ARHGAP35: variants seen among roughly 807,000 people sequenced by gnomAD.
ARHGAP35 encodes the protein rho GTPase-activating protein 35.
ARHGAP35 carries 15 observed loss-of-function variants against 111.1 expected under a neutral mutation model. That is an observed-to-expected ratio of 0.13 (90% CI 0.09 to 0.21). The LOEUF (loss-of-function observed/expected upper bound fraction) is 0.21. Ranked by LOEUF, ARHGAP35 falls within the 10% of genes least tolerant of loss-of-function variation. The pLI, the probability that ARHGAP35 is intolerant of heterozygous loss-of-function variation, is 1.00. For missense variants in ARHGAP35, 1,262 were observed against 1,873.0 expected, an observed-to-expected ratio of 0.67 and a Z score of 6.02; for synonymous variants, 643 against 710.3, an observed-to-expected ratio of 0.91 and a Z score of 1.51.
intron 5 of ARHGAP35, chr19:46,997,494 CA>C (rs1443874904): frequency 2.0e-5 from 3 of 152,160 alleles, no homozygotes; most frequent in African/African-American, 7.2e-5. Context: ...ATTTAATTGC[CA>C]GGTGTCACCG....
chr19:46,962,207 A>T (rs1270032075), intron 3 of ARHGAP35, among the ~76,000 whole-genome samples: 1 of 152,272 alleles, frequency 6.6e-6, no homozygotes, highest in African/African-American at 2.4e-5. Flanking sequence ...TTTGTTTTTT[A>T]AAAAAGCCTC....
chr19:46,975,997 G>A (rs1440039286), intron 3 of ARHGAP35, among the ~76,000 whole-genome samples: 1 of 152,176 alleles, frequency 6.6e-6, no homozygotes, highest in Non-Finnish European at 1.5e-5. Flanking sequence ...TACGGTTATA[G>A]CTTGAATACA....
In ARHGAP35 at chr19:47,001,716, T is replaced by A. The variant is rs1248729875; in HGVS notation, c.*1028T>A. ...AGTCCATTACGATAGAAACACTAAT[T>A]GAGCATGTGCGTGGGGTGGGGGTGT... On this transcript the variant is annotated 3_prime_UTR_variant, in exon 7 of 7. Transcript: ENST00000672722. This position sits in a 1 kb window ranked among gnomAD's most constrained non-coding sequence, Gnocchi z 5.4. The A allele has an allele frequency of 1.9e-5, 6 of 322,928 alleles. No homozygotes were observed. The highest frequency in any genetic ancestry group is 3.0e-5 in the Non-Finnish European group (5 of 164,718). The allele number at this position is 322,928 out of a possible 1,614,324, so 20.0% of individuals were successfully genotyped here. A position where few individuals can be genotyped will look rare whatever the true frequency, so the allele number is the denominator to read the frequency against.
chr19:46,959,612 C>G (rs989290145), intron 3 of ARHGAP35, among the ~76,000 whole-genome samples: 1 of 151,656 alleles, frequency 6.6e-6, no homozygotes, highest in African/African-American at 2.4e-5. Flanking sequence ...GTTGGCCAGG[C>G]TGGTCTCAAA....
chr19:46,951,440 T>A (rs1320476634), intron 3 of ARHGAP35, among the ~76,000 whole-genome samples: 1 of 147,604 alleles, frequency 6.8e-6, no homozygotes, highest in Non-Finnish European at 1.5e-5. Context: ...GCCATGTGTG[T>A]TTTGATGGCC....
chr19:46,959,119 C>A (rs1326456366), intron 3 of ARHGAP35, among the ~76,000 whole-genome samples: 2 of 152,146 alleles, frequency 1.3e-5, no homozygotes, highest in African/African-American at 4.8e-5. Context: ...TACTTCACTG[C>A]CCAGACTAGA....
At chr19:46,924,658 C>G (rs1286907734) in intron 2 of ARHGAP35, among the ~76,000 whole-genome samples, 2 of 152,282 alleles carry the variant, frequency 1.3e-5, no homozygotes, top group Non-Finnish European at 2.9e-5. Flanking sequence ...CGGTATTTTC[C>G]CAGAGCTCAC....
At chr19:46,979,088 G>A (rs900737207) in intron 3 of ARHGAP35, among the ~76,000 whole-genome samples, 2 of 150,944 alleles carry the variant, frequency 1.3e-5, no homozygotes, top group South Asian at 2.1e-4. Context: ...GTGGTGGGAT[G>A]TGTGTGTGTT....
chr19:46,979,508 A>G (rs2056608887), intron 3 of ARHGAP35, among the ~76,000 whole-genome samples: 1 of 152,140 alleles, frequency 6.6e-6, no homozygotes, highest in African/African-American at 2.4e-5. Flanking sequence ...AAAGTCAGGG[A>G]AAAGAATGGA....
intron 1 of ARHGAP35, among the ~76,000 whole-genome samples, chr19:46,904,957 A>G (rs1444222123): frequency 6.6e-6 from 1 of 152,006 alleles, no homozygotes; most frequent in Non-Finnish European, 1.5e-5. Flanking sequence ...GAGGGACGAG[A>G]GCTGGGGGTG....
At chr19:46,928,761 G>A (rs1330661931) in intron 2 of ARHGAP35, among the ~76,000 whole-genome samples, 4 of 152,002 alleles carry the variant, frequency 2.6e-5, no homozygotes, top group East Asian at 3.9e-4. Context: ...GCGAAACCCC[G>A]TCTCTACAAA....
intron 1 of ARHGAP35, among the ~76,000 whole-genome samples, chr19:46,878,259 G>T (rs2055937487): frequency 6.6e-6 from 1 of 152,142 alleles, no homozygotes; most frequent in Non-Finnish European, 1.5e-5. Flanking sequence ...CTGACCTCAA[G>T]TGATCCACCC....
chr19:46,928,527 G>A (rs1012755658), intron 2 of ARHGAP35, among the ~76,000 whole-genome samples: 22 of 151,972 alleles, frequency 1.4e-4, no homozygotes, highest in African/African-American at 5.1e-4. Context: ...AAATGTACCT[G>A]GAACTAGTGG....
intron 3 of ARHGAP35, among the ~76,000 whole-genome samples, chr19:46,958,964 C>G (rs912081013): frequency 9.9e-5 from 15 of 152,072 alleles, no homozygotes; most frequent in Non-Finnish European, 1.8e-4. Flanking sequence ...CTCCTGGTTG[C>G]TTTTGTGTGA....
chr19:46,861,962 G>C (rs1021108101), intron 1 of ARHGAP35, among the ~76,000 whole-genome samples: 1 of 152,228 alleles, frequency 6.6e-6, no homozygotes, highest in East Asian at 1.9e-4. Context: ...CTGCACCCCG[G>C]GATGCCCCTC....
chr19:46,873,894 A>G (rs963085981), intron 1 of ARHGAP35, among the ~76,000 whole-genome samples: 8 of 151,896 alleles, frequency 5.3e-5, no homozygotes, highest in Non-Finnish European at 8.8e-5. Flanking sequence ...GATTACAGGC[A>G]TGCGCCACCA....
At chr19:46,948,463 T>A (rs2056393299) in intron 3 of ARHGAP35, 1 of 152,222 alleles carries the variant, frequency 6.6e-6, no homozygotes, top group South Asian at 2.1e-4. Context: ...ACACTAAGAC[T>A]TGTACTCAGC....
At chr19:46,880,650 A>G (rs2055956612) in intron 1 of ARHGAP35, among the ~76,000 whole-genome samples, 1 of 152,078 alleles carries the variant, frequency 6.6e-6, no homozygotes, top group Non-Finnish European at 1.5e-5. Context: ...TCTCTCATGA[A>G]TCATGAATCT....
At chr19:46,863,697 A>G (rs192567521) in intron 1 of ARHGAP35, among the ~76,000 whole-genome samples, 117 of 150,566 alleles carry the variant, frequency 7.8e-4, no homozygotes, top group Non-Finnish European at 1.3e-3. Context: ...ATTTCAATAT[A>G]TAGTTTTACC....
Sources: gnomAD v4.1 joint callset for allele counts (sites outside exome capture counted in the v4.1 genomes callset) on GRCh38, gnomAD v4.1.1 for gene constraint, Gnocchi (gnomAD v3.1) non-coding constraint, MANE v1.5 for transcripts, NCBI Gene and HGNC (gene_info 2026-07-23, HGNC 2026-07-21) for gene names.